CSMD3: variants seen among roughly 807,000 people sequenced by gnomAD.
CSMD3 encodes the protein CUB and sushi domain-containing protein 3.
Under a neutral mutation model 435.2 loss-of-function variants are expected in CSMD3, and 177 were observed. The observed-to-expected ratio is 0.41, with a 90% CI of 0.36 to 0.46. The LOEUF (loss-of-function observed/expected upper bound fraction) is 0.46, where lower values mean the gene tolerates loss of function less well. Ranked by LOEUF, CSMD3 falls within the 20% of genes least tolerant of loss-of-function variation. The pLI is 0.34. For missense variants in CSMD3, 4,265 were observed against 4,504.6 expected (o/e 0.95, Z 1.52); for synonymous variants, 1,656 against 1,520.5 (o/e 1.09, Z -2.07).
At position 113,089,855 on chromosome 8, in the gene CSMD3, G is replaced by T. The variant is rs900825867; in HGVS notation, c.917+8901C>A. ...ATCCTACTGTTCTATGCTTAATCTG[G>T]AAAACAAACAAAGCGAAAAATAAAA... On this transcript the variant is annotated intron_variant, in intron 5 of 70. Transcript: ENST00000297405. Among the ~76,000 whole-genome samples the T allele has an allele frequency of 4.6e-5, 7 of 151,896 alleles. No homozygotes were observed. In the South Asian group the frequency reaches 8.3e-4, roughly 18 times the overall value.
At chr8:113,371,856 T>C (rs146053213) in intron 1 of CSMD3, among the ~76,000 whole-genome samples, 171 of 152,276 alleles carry the variant, frequency 1.1e-3, no homozygotes, top group African/African-American at 3.9e-3. Context: ...TTTTAGCTTG[T>C]AAAGCAAAAA....
At chr8:112,610,036 G>T (rs1833134256) in intron 22 of CSMD3, among the ~76,000 whole-genome samples, 1 of 152,032 alleles carries the variant, frequency 6.6e-6, no homozygotes, top group African/African-American at 2.4e-5. Context: ...ATGGTGAGAT[G>T]TCGGCCAAAG....
intron 3 of CSMD3, among the ~76,000 whole-genome samples, chr8:113,221,596 G>A (rs746241873): frequency 1.9e-4 from 29 of 151,240 alleles, no homozygotes; most frequent in Admixed American, 6.6e-4. Flanking sequence ...ATCTGTTTTG[G>A]TTCTTTTTAC....
Position 112,966,843 on chromosome 8 carries a change from C to A in CSMD3, c.1342+8994G>T, listed in dbSNP as rs560517091. Among the ~76,000 whole-genome samples the A allele has an allele frequency of 1.2e-3, 186 of 151,996 alleles. 1 individual carries two copies. Among genetic ancestry groups the A allele is most frequent in the Non-Finnish European group, 2.2e-3 (146 of 67,838 alleles). On this transcript the variant is annotated intron_variant, in intron 7 of 70. Transcript: ENST00000297405. ...ATCCCTTGCACTCATAAATTTCCCA[C>A]CATTTGAGTCACTCGTATGGAATAA...
chr8:112,883,003 A>G (rs561346695), intron 10 of CSMD3, among the ~76,000 whole-genome samples: 8 of 152,112 alleles, frequency 5.3e-5, no homozygotes, highest in Non-Finnish European at 1.2e-4. Flanking sequence ...CAGATGCTGC[A>G]TTCTGAAAAG....
At chr8:112,556,082 C>T (rs1297230012) in intron 25 of CSMD3, among the ~76,000 whole-genome samples, 1 of 151,842 alleles carries the variant, frequency 6.6e-6, no homozygotes, top group Non-Finnish European at 1.5e-5. Context: ...CAATCTGACA[C>T]CTACTTGGTC....
intron 5 of CSMD3, among the ~76,000 whole-genome samples, chr8:113,059,153 C>T (rs937971909): frequency 1.3e-5 from 2 of 152,110 alleles, no homozygotes; most frequent in African/African-American, 4.8e-5. Context: ...AGTAAAAACG[C>T]ATACAAATGT....
At chr8:113,214,672 CT>C (rs1188905395) in intron 3 of CSMD3, among the ~76,000 whole-genome samples, 1 of 151,820 alleles carries the variant, frequency 6.6e-6, no homozygotes, top group African/African-American at 2.4e-5. Flanking sequence ...TATGAAACAA[CT>C]TGACTCTGAA....
intron 4 of CSMD3, among the ~76,000 whole-genome samples, chr8:113,168,065 C>A (rs923121419): frequency 6.6e-6 from 1 of 152,078 alleles, no homozygotes; most frequent in Non-Finnish European, 1.5e-5. Context: ...TTTTTATATT[C>A]AATAGTGCAT....
chr8:113,318,529 G>T (rs1178030570), intron 1 of CSMD3, among the ~76,000 whole-genome samples: 1 of 151,836 alleles, frequency 6.6e-6, no homozygotes, highest in African/African-American at 2.4e-5. Flanking sequence ...CTCTAAACTT[G>T]TTCATCCTAC....
intron 22 of CSMD3, among the ~76,000 whole-genome samples, chr8:112,603,735 C>T (rs752909234): frequency 5.3e-5 from 8 of 152,058 alleles, no homozygotes; most frequent in Non-Finnish European, 1.0e-4. Flanking sequence ...CATGGTTCAT[C>T]TGTGAGTTCT....
At chr8:112,504,436 C>T (rs1822299837) in intron 29 of CSMD3, among the ~76,000 whole-genome samples, 1 of 151,936 alleles carries the variant, frequency 6.6e-6, no homozygotes, top group Non-Finnish European at 1.5e-5. Context: ...TTTTCTTCAT[C>T]AATAGTACTC....
At chr8:112,461,981 A>C (rs1817494251) in intron 32 of CSMD3, among the ~76,000 whole-genome samples, 1 of 152,212 alleles carries the variant, frequency 6.6e-6, no homozygotes, top group African/African-American at 2.4e-5. Flanking sequence ...TTAAACTAGG[A>C]AGTCCCTTGG....
At chr8:112,896,873 C>T (rs1377427566) in intron 10 of CSMD3, among the ~76,000 whole-genome samples, 2 of 151,314 alleles carry the variant, frequency 1.3e-5, no homozygotes, top group African/African-American at 4.8e-5. Context: ...GCTTCCATAC[C>T]TTGGCCTATA....
At chr8:113,258,370 C>T (rs2093400839) in intron 3 of CSMD3, among the ~76,000 whole-genome samples, 1 of 152,180 alleles carries the variant, frequency 6.6e-6, no homozygotes, top group Admixed American at 6.6e-5. Context: ...TGCCAGTTGT[C>T]TCCTATTGGT....
intron 3 of CSMD3, among the ~76,000 whole-genome samples, chr8:113,212,173 G>A (rs118140786): frequency 0.03 from 4,506 of 152,126 alleles, 86 homozygotes; most frequent in Admixed American, 0.04. Flanking sequence ...TTATGTTCAT[G>A]GCATGAATAA....
At chr8:112,408,510 C>A in intron 33 of CSMD3, 97 bp from the exon 34 acceptor site, 2 of 837,980 alleles carry the variant, frequency 2.4e-6, no homozygotes, top group South Asian at 2.7e-5. Context: ...TTGAAAATGT[C>A]AATCTATGTT....
intron 63 of CSMD3, among the ~76,000 whole-genome samples, chr8:112,253,551 G>T (rs549051946): frequency 6.6e-6 from 1 of 152,096 alleles, no homozygotes; most frequent in African/African-American, 2.4e-5. Flanking sequence ...GCAACACAGG[G>T]CAATTGGGTA....
chr8:112,466,393 T>C (rs1441431086), intron 32 of CSMD3, among the ~76,000 whole-genome samples: 1 of 152,078 alleles, frequency 6.6e-6, no homozygotes, highest in Non-Finnish European at 1.5e-5. Context: ...ATAGACTGTG[T>C]TGCTGAATTG....
Sources: allele counts gnomAD v4.1 joint callset (sites outside exome capture counted in the v4.1 genomes callset), GRCh38; gene constraint gnomAD v4.1.1; transcripts MANE v1.5; gene names NCBI Gene and HGNC (gene_info 2026-07-23, HGNC 2026-07-21).